Variants in RHOBTB2 observed in about 807,000 individuals in gnomAD.
RHOBTB2 encodes the protein Rho related BTB domain containing 2.
RHOBTB2 carries 39 observed loss-of-function variants against 66.5 expected under a neutral mutation model. The ratio of observed to expected loss-of-function variants is 0.59; its 90% CI spans 0.45 to 0.77. The LOEUF is 0.77. Ranked by LOEUF, RHOBTB2 falls within the 30% of genes least tolerant of loss-of-function variation. The probability of loss-of-function intolerance (pLI) is 0.00; values close to 1 mark genes in which losing one functional copy is unlikely to be tolerated. For missense variants in RHOBTB2, 755 were observed against 999.1 expected (o/e 0.76, Z 3.29); for synonymous variants, 390 against 395.0 (o/e 0.99, Z 0.15).
upstream of RHOBTB2, among the ~76,000 whole-genome samples, chr8:22,997,732 G>C (rs1810615364): frequency 6.6e-6 from 1 of 152,210 alleles, no homozygotes; most frequent in South Asian, 2.1e-4. Flanking sequence ...GGTGAAAGGT[G>C]ATGTCAACTG....
the RHOBTB2 span, among the ~76,000 whole-genome samples, chr8:22,974,827 T>C: frequency 1.3e-5 from 2 of 152,168 alleles, no homozygotes; most frequent in Admixed American, 1.3e-4. Context: ...AAACAGGTAC[T>C]GTGCACAATC....
At chr8:22,950,815 G>A in the RHOBTB2 span, among the ~76,000 whole-genome samples, 2 of 152,136 alleles carry the variant, frequency 1.3e-5, no homozygotes, top group African/African-American at 4.8e-5. Flanking sequence ...TCTGTGCTGT[G>A]TTGTCTGCTT....
At chr8:22,986,929 G>T (rs993030491), upstream of RHOBTB2, among the ~76,000 whole-genome samples, 4 of 152,248 alleles carry the variant, frequency 2.6e-5, no homozygotes, top group Non-Finnish European at 5.9e-5. Context: ...CAGGTGAGCA[G>T]AAGTAGGAGC....
upstream of RHOBTB2, among the ~76,000 whole-genome samples, chr8:22,983,604 C>G (rs537133801): frequency 6.6e-6 from 1 of 151,918 alleles, no homozygotes; most frequent in Non-Finnish European, 1.5e-5. Flanking sequence ...GTTATCATAA[C>G]CTAGGTTTTA....
the RHOBTB2 span, among the ~76,000 whole-genome samples, chr8:22,966,116 C>T: frequency 1.3e-5 from 2 of 151,692 alleles, no homozygotes; most frequent in Non-Finnish European, 2.9e-5. Context: ...TTTGGGAGGC[C>T]GAGGTGGGCA....
In RHOBTB2 at chr8:23,018,686, C is replaced by G. The variant is rs1268524103; in HGVS notation, c.*1217C>G. ...GTCTCGGGGCTTAAATGGCACCAGA[C>G]TCTTGCTTTTGCCCATCTGGAGACT... On this transcript the variant is annotated 3_prime_UTR_variant, in exon 10 of 10. Transcript: ENST00000251822. 2.0e-5 allele frequency: 3 copies of G among 152,376 alleles called. No homozygotes were observed. Among genetic ancestry groups the G allele is most frequent in the Non-Finnish European group, 4.4e-5 (3 of 68,182 alleles). The allele number at this position is 152,376 out of a possible 1,614,324, so 9.4% of individuals were successfully genotyped here. A position where few individuals can be genotyped will look rare whatever the true frequency, so the allele number is the denominator to read the frequency against.
At chr8:22,997,814 G>A (rs369141476), upstream of RHOBTB2, among the ~76,000 whole-genome samples, 1 of 152,188 alleles carries the variant, frequency 6.6e-6, no homozygotes, top group South Asian at 2.1e-4. Flanking sequence ...ACCCTGGCCT[G>A]CCGTGGGAAT....
intron 3 of RHOBTB2, among the ~76,000 whole-genome samples, chr8:23,005,748 T>C (rs1308957112): frequency 1.3e-5 from 2 of 152,128 alleles, no homozygotes; most frequent in Non-Finnish European, 2.9e-5. Context: ...CATTTCTAAC[T>C]CACAAAATAG....
At chr8:22,951,819 T>A in the RHOBTB2 span, among the ~76,000 whole-genome samples, 1 of 152,278 alleles carries the variant, frequency 6.6e-6, no homozygotes, top group South Asian at 2.1e-4. Flanking sequence ...ATATGATGTC[T>A]TAGCTTGGGC....
chr8:23,006,380 A>G lies in RHOBTB2; in HGVS notation c.482+235A>G. 1.8e-6 allele frequency: 1 copy of G among 557,272 alleles called. No individual in the cohort carries two copies. The highest frequency in any genetic ancestry group is 3.2e-6 in the Non-Finnish European group (1 of 314,930). The allele number at this position is 557,272 out of a possible 1,614,324, so 34.5% of individuals were successfully genotyped here. On this transcript the variant is annotated intron_variant, in intron 4 of 9. Coordinates refer to ENST00000251822, the MANE Select transcript of RHOBTB2 (RefSeq NM_015178.3). The surrounding 1 kb of genome is among the most constrained non-coding windows in gnomAD (Gnocchi z 6.1). ...GAAGAAAAATAGAGAGGAAGAGGTG[A>G]TATTTGCATGAAAAAGTCCTATAAT...
Position 23,008,043 on chromosome 8 carries a change from T to C in RHOBTB2, c.1552T>C (p.Leu518=), listed in dbSNP as rs1442588864. ...DGTISAHKPL[L]ISSCDWMAAM... Reference sequence around the variant, plus strand: ...CACCATCAGCGCCCACAAGCCCCTGTTGATTTCCAGCTGTGACTGGATGGC... The same window carrying C: ...CACCATCAGCGCCCACAAGCCCCTGCTGATTTCCAGCTGTGACTGGATGGC... Residue 518 remains leucine (L), a synonymous_variant, in exon 6 of 10, where the codon TTG becomes CTG. Transcript: ENST00000251822. 1 of 1,613,828 alleles carries C rather than the reference T, an allele frequency of 6.2e-7. No individual in the cohort carries two copies. The highest frequency in any genetic ancestry group is 1.7e-5 in the Admixed American group (1 of 59,862).
the RHOBTB2 span, among the ~76,000 whole-genome samples, chr8:22,951,678 C>T: frequency 2.6e-5 from 4 of 152,146 alleles, no homozygotes; most frequent in African/African-American, 9.7e-5. Context: ...TTACAAAATA[C>T]ATTGATCCGT....
At chr8:22,954,587 T>A in the RHOBTB2 span, among the ~76,000 whole-genome samples, 1 of 152,222 alleles carries the variant, frequency 6.6e-6, no homozygotes, top group African/African-American at 2.4e-5. Flanking sequence ...CAAATAGTGT[T>A]GAGACAATTG....
intron 7 of RHOBTB2, among the ~76,000 whole-genome samples, chr8:23,013,538 T>C (rs753571621): frequency 2.0e-5 from 3 of 151,974 alleles, no homozygotes; most frequent in Non-Finnish European, 4.4e-5. Context: ...TACTGTCACC[T>C]GGGCTGGAGT....
In RHOBTB2 at chr8:23,020,040, T is replaced by G; in HGVS notation, c.*2571T>G. The G allele has an allele frequency of 3.1e-6, 1 of 318,278 alleles. No homozygotes were observed. Among genetic ancestry groups the G allele is most frequent in the South Asian group, 2.6e-5 (1 of 38,498 alleles). The allele number at this position is 318,278 out of a possible 1,614,324, so 19.7% of individuals were successfully genotyped here. ...CAGAGGGGAGGGAGGAAGGAAGGAG[T>G]CCCAGCAGGAGCACAGCCCTGGTTT... On this transcript the variant is annotated 3_prime_UTR_variant, in exon 10 of 10. Transcript: ENST00000251822.
chr8:22,989,191 A>G (rs1810363664), intron 1 of RHOBTB2, among the ~76,000 whole-genome samples: 1 of 152,144 alleles, frequency 6.6e-6, no homozygotes. Flanking sequence ...TGTGTCGCCC[A>G]GGCTGGAGTG....
rs947987293 is a variant in RHOBTB2 at position 23,007,220 on chromosome 8, A to G, written c.975A>G (p.Gln325=). 1.9e-6 allele frequency: 3 copies of G among 1,608,338 alleles called. No homozygotes were observed. Among genetic ancestry groups the G allele is most frequent in the Non-Finnish European group, 2.5e-6 (3 of 1,179,398 alleles). Residue 325 remains glutamine, a synonymous_variant, in exon 5 of 10, where the codon CAA becomes CAG. Coordinates refer to ENST00000251822, the MANE Select transcript of RHOBTB2 (RefSeq NM_015178.3). ...HPEDHQGHSD[Q]HHHHHHHHHG... is the part of the protein sequence containing the mutation. ...AGGACCACCAGGGCCACTCTGATCA[A>G]CACCACCACCATCACCACCACCACC... is the stretch of plus-strand genomic sequence containing the variant.
chr8:22,996,124 C>T (rs1042967804), upstream of RHOBTB2, among the ~76,000 whole-genome samples: 6 of 152,208 alleles, frequency 3.9e-5, no homozygotes, highest in Admixed American at 6.5e-5. Context: ...GGCATCTGCC[C>T]GGCTTCAGGA....
chr8:23,008,113 T>A lies in RHOBTB2; in HGVS notation c.1620+2T>A. The A allele has an allele frequency of 6.2e-7, 1 of 1,600,260 alleles. No homozygotes were observed. Among genetic ancestry groups the A allele is most frequent in the Non-Finnish European group, 8.5e-7 (1 of 1,171,292 alleles). On this transcript the variant is annotated splice_donor_variant, in intron 6 of 9. Coordinates refer to ENST00000251822, the MANE Select transcript of RHOBTB2 (RefSeq NM_015178.3). LOFTEE classifies it high-confidence loss of function. The stretch of plus-strand genomic sequence containing the variant: ...TTTGTGGAGAGCTCCACCCGGGAGG[T>A]AAGGCTGAGGACACAAAGGGGGGAA...
Sources: allele counts gnomAD v4.1 joint callset (sites outside exome capture counted in the v4.1 genomes callset), GRCh38; gene constraint gnomAD v4.1.1; non-coding constraint Gnocchi (gnomAD v3.1); transcripts MANE v1.5; gene names NCBI Gene and HGNC (gene_info 2026-07-23, HGNC 2026-07-21).